The following METTL21A variants were observed in gnomAD, a reference collection of about 807,000 sequenced individuals.
The protein encoded by METTL21A is methyltransferase 21A, HSPA lysine.
Under a neutral mutation model 20.9 loss-of-function variants are expected in METTL21A, and 22 were observed. That is an observed-to-expected ratio of 1.05 (90% confidence interval 0.75 to 1.50). The LOEUF is 1.50. METTL21A is among the 40% of genes most tolerant of loss of function. The pLI is 0.00. For missense variants in METTL21A, 271 were observed against 266.8 expected (o/e 1.02, Z -0.11); for synonymous variants, 93 against 102.0 (o/e 0.91, Z 0.53).
intron 3 of METTL21A, among the ~76,000 whole-genome samples, chr2:207,614,933 G>C (rs527726651): frequency 1.3e-5 from 2 of 152,166 alleles, no homozygotes; most frequent in South Asian, 4.1e-4. Context: ...TCTTCCCACA[G>C]GATTCCAGAC....
At chr2:207,587,525 A>G (rs756586035) in intron 3 of METTL21A, among the ~76,000 whole-genome samples, 11 of 152,240 alleles carry the variant, frequency 7.2e-5, no homozygotes, top group Non-Finnish European at 1.5e-4. Context: ...AGTAGCTAAG[A>G]TAGGGAATCA....
At chr2:207,585,272 G>A (rs771536100) in intron 3 of METTL21A, among the ~76,000 whole-genome samples, 1 of 152,120 alleles carries the variant, frequency 6.6e-6, no homozygotes, top group Non-Finnish European at 1.5e-5. Flanking sequence ...ACTGACAACC[G>A]AAGCCTAAGC....
At chr2:207,607,002 G>A (rs2088212232), downstream of METTL21A, among the ~76,000 whole-genome samples, 1 of 152,026 alleles carries the variant, frequency 6.6e-6, no homozygotes, top group Non-Finnish European at 1.5e-5. Context: ...ACATAAATTA[G>A]GCATATGGTA....
At chr2:207,623,119 G>A (rs1442271710) in intron 2 of METTL21A, among the ~76,000 whole-genome samples, 9 of 152,046 alleles carry the variant, frequency 5.9e-5, no homozygotes, top group Non-Finnish European at 1.2e-4. Context: ...GGCTAGGCTG[G>A]TTTCGAACTC....
At chr2:207,595,139 G>A (rs1416591378) in intron 3 of METTL21A, among the ~76,000 whole-genome samples, 3 of 151,598 alleles carry the variant, frequency 2.0e-5, no homozygotes, top group African/African-American at 7.3e-5. Context: ...GGGACTACAG[G>A]CACCCACCAC....
chr2:207,613,570 C>T (rs1328698425), intron 3 of METTL21A, 127 bp from the exon 4 acceptor site: 1 of 795,870 alleles, frequency 1.3e-6, no homozygotes, highest in Non-Finnish European at 1.9e-6. Context: ...TCAATCACAC[C>T]TTTCATGGAC....
intron 3 of METTL21A, among the ~76,000 whole-genome samples, chr2:207,619,055 CTG>C: frequency 6.6e-6 from 1 of 152,148 alleles, no homozygotes; most frequent in African/African-American, 2.4e-5. Flanking sequence ...TGCAGGGTGA[CTG>C]TGAGAATGAA....
At chr2:207,621,697 G>C (rs2090495937) in intron 3 of METTL21A, 109 bp downstream of exon 3, 1 of 945,508 alleles carries the variant, frequency 1.1e-6, no homozygotes, top group Admixed American at 1.9e-5. Context: ...ATAAGCAAAA[G>C]ATAATAACCC....
downstream of METTL21A, among the ~76,000 whole-genome samples, chr2:207,604,778 T>G (rs58914399): frequency 0.012 from 1,801 of 152,298 alleles, 34 homozygotes; most frequent in African/African-American, 0.041. Flanking sequence ...ACCACCAATC[T>G]GCTTCCTGTT....
At chr2:207,609,600 A>G (rs1233991886), downstream of METTL21A, 1 of 152,156 alleles carries the variant, frequency 6.6e-6, no homozygotes, top group Non-Finnish European at 1.5e-5. Flanking sequence ...AGGAGCTTAT[A>G]TGTAGGAAGC....
At chr2:207,582,752 G>C in intron 3 of METTL21A, 2 of 195,398 alleles carry the variant, frequency 1.0e-5, no homozygotes, top group Non-Finnish European at 2.2e-5. Context: ...AATTTAGCCG[G>C]GGTGGTGGTG....
chr2:207,616,761 G>A (rs1295804803), intron 3 of METTL21A, among the ~76,000 whole-genome samples: 6 of 152,034 alleles, frequency 3.9e-5, no homozygotes, highest in Non-Finnish European at 8.8e-5. Flanking sequence ...CAGGAGAATC[G>A]CTTGAACCCG....
intron 3 of METTL21A, among the ~76,000 whole-genome samples, chr2:207,584,131 G>A (rs555984915): frequency 2.0e-5 from 3 of 152,224 alleles, no homozygotes; most frequent in East Asian, 3.9e-4. Flanking sequence ...ACACATAAAG[G>A]TTTTTATATG....
chr2:207,613,048 A>T, exon 4 of METTL21A: 1 of 1,549,346 alleles, frequency 6.5e-7, no homozygotes, highest in Admixed American at 2.1e-5. Flanking sequence ...ATAGCCAATT[A>T]TAAGTCCTCC....
intron 3 of METTL21A, among the ~76,000 whole-genome samples, chr2:207,594,718 C>A (rs977101022): frequency 3.9e-5 from 6 of 152,110 alleles, no homozygotes; most frequent in Non-Finnish European, 7.4e-5. Flanking sequence ...GATTTCAGTT[C>A]TTTTGGATCT....
chr2:207,589,006 T>C (rs1377237363), intron 3 of METTL21A, among the ~76,000 whole-genome samples: 1 of 152,138 alleles, frequency 6.6e-6, no homozygotes, highest in African/African-American at 2.4e-5. Context: ...CTTATTGCAA[T>C]GTCTAGGACT....
intron 3 of METTL21A, among the ~76,000 whole-genome samples, chr2:207,585,307 G>C (rs2083624872): frequency 6.6e-6 from 1 of 152,186 alleles, no homozygotes; most frequent in South Asian, 2.1e-4. Context: ...TAGATGCCAT[G>C]AGAGAATCAT....
At chr2:207,615,266 G>A (rs762039516) in intron 3 of METTL21A, among the ~76,000 whole-genome samples, 2 of 151,764 alleles carry the variant, frequency 1.3e-5, no homozygotes, top group East Asian at 1.9e-4. Flanking sequence ...GAGCCCAGAA[G>A]TTCAAGACCA....
chr2:207,588,201 C>T (rs1017006865), intron 3 of METTL21A, among the ~76,000 whole-genome samples: 3 of 152,178 alleles, frequency 2.0e-5, no homozygotes, highest in Admixed American at 6.5e-5. Context: ...ATAATTCCCT[C>T]CTGAGTTTAC....
Sources: allele counts gnomAD v4.1 joint callset (sites outside exome capture counted in the v4.1 genomes callset), GRCh38; gene constraint gnomAD v4.1.1; transcripts MANE v1.5; gene names NCBI Gene and HGNC (gene_info 2026-07-23, HGNC 2026-07-21).